CA12: variants seen among roughly 807,000 people sequenced by gnomAD.
The protein encoded by CA12 is carbonate dehydratase XII.
CA12 carries 36 observed loss-of-function variants against 46.8 expected under a neutral mutation model. That is an observed-to-expected ratio of 0.77 (90% CI 0.59 to 1.02). The LOEUF (loss-of-function observed/expected upper bound fraction) is 1.02. Ranked by LOEUF, CA12 falls within the 50% of genes least tolerant of loss-of-function variation. The pLI, the probability that CA12 is intolerant of heterozygous loss-of-function variation, is 0.00. For missense variants in CA12, 436 were observed against 451.4 expected (o/e 0.97, Z 0.31); for synonymous variants, 202 against 187.0 (o/e 1.08, Z -0.65).
chr15:63,368,153 T>C (rs2039458640), intron 2 of CA12, among the ~76,000 whole-genome samples: 4 of 152,262 alleles, frequency 2.6e-5, no homozygotes. Flanking sequence ...GCTATCCTAT[T>C]TCATTGCTTC....
intron 8 of CA12, among the ~76,000 whole-genome samples, chr15:63,333,407 G>A (rs566737175): frequency 1.0e-3 from 159 of 152,280 alleles, no homozygotes; most frequent in Admixed American, 3.7e-3. Flanking sequence ...CGCATAACTC[G>A]GACTGTGCTC....
At chr15:63,346,309 T>TCTTCTGGGAAGTGCA (rs1247404303) in intron 3 of CA12, among the ~76,000 whole-genome samples, 1 of 152,172 alleles carries the variant, frequency 6.6e-6, no homozygotes, top group Non-Finnish European at 1.5e-5. Context: ...GAGATGTGCT[T>TCTTCTGGGAAGTGCA]CTTCTGGGAA....
intron 1 of CA12, among the ~76,000 whole-genome samples, chr15:63,377,450 T>C (rs1362534710): frequency 6.6e-6 from 1 of 151,436 alleles, no homozygotes; most frequent in African/African-American, 2.5e-5. Flanking sequence ...GAAATTGTGT[T>C]TTTTAAAAGT....
At chr15:63,342,141 T>A in intron 4 of CA12, 44 bp from the exon 5 acceptor site, 1 of 1,289,784 alleles carries the variant, frequency 7.8e-7, no homozygotes, top group South Asian at 1.2e-5. Flanking sequence ...AAGCGACTCA[T>A]GGGAGCCTGT....
chr15:63,372,503 G>T lies in CA12; in HGVS notation c.106+3155C>A, dbSNP rs559259949. On this transcript the variant is annotated intron_variant, in intron 2 of 10. Transcript: ENST00000178638. This position sits in a 1 kb window ranked among gnomAD's most constrained non-coding sequence, Gnocchi z 4.5. ...TTTGTACTTCTAAAAGTCCTACCATGTGTGCCAGACAGTGGGAGGCCCCTG... is the reference window on the plus strand; with the variant it reads ...TTTGTACTTCTAAAAGTCCTACCATTTGTGCCAGACAGTGGGAGGCCCCTG... Among the ~76,000 whole-genome samples, 13 of 152,306 alleles carry T rather than the reference G, an allele frequency of 8.5e-5. No individual in the cohort carries two copies. Among genetic ancestry groups the T allele is most frequent in the African/African-American group, 2.6e-4 (11 of 41,578 alleles).
chr15:63,375,741 C>T, intron 1 of CA12, 63 bp from the exon 2 acceptor site: 4 of 1,289,550 alleles, frequency 3.1e-6, no homozygotes, highest in Non-Finnish European at 3.3e-6. Flanking sequence ...GAAAACACTA[C>T]AGATTTTGTT....
At position 63,365,629 on chromosome 15, in the gene CA12, AG is replaced by A. The variant is rs2039427095; in HGVS notation, c.106+10028del. ...CTTTCAGCCACAATCAGGCTGCTCC[AG>A]GCAATTGCAATGTTGGGTATCTACA... On this transcript the variant is annotated intron_variant, in intron 2 of 10. Transcript: ENST00000178638. 2.6e-5 allele frequency among the ~76,000 whole-genome samples: 4 copies of A among 152,372 alleles called. No individual in the cohort carries two copies. In the East Asian group the frequency reaches 7.7e-4, roughly 29 times the overall value.
chr15:63,351,946 G>T (rs2039237618), intron 2 of CA12, among the ~76,000 whole-genome samples: 1 of 152,192 alleles, frequency 6.6e-6, no homozygotes, highest in Admixed American at 6.5e-5. Flanking sequence ...GAATGGATGT[G>T]GAGGGTTTTT....
In CA12 at chr15:63,346,510, C is replaced by T. The variant is rs1375744603; in HGVS notation, c.286+20G>A. 6.3e-6 allele frequency: 10 copies of T among 1,596,476 alleles called. 1 individual carries two copies. The South Asian group carries it at 9.9e-5, about 16-fold the overall frequency. On this transcript the variant is annotated intron_variant, in intron 3 of 10. Transcript: ENST00000178638. ...GGAGACTCAGACATACCCCTCAGGT[C>T]TCCAAGGCCTCTCCCTCACCTGAAT...
Position 63,345,426 on chromosome 15 carries a change from C to T in CA12, c.429+51G>A. 1.9e-6 allele frequency: 3 copies of T among 1,598,254 alleles called. No individual in the cohort carries two copies. Among genetic ancestry groups the T allele is most frequent in the South Asian group, 2.2e-5 (2 of 90,736 alleles). ...GCACAGCAGCCAGGTCGAGAAGGTG[C>T]CACACCACCCACTGCAGAGCAGCCT... On this transcript the variant is annotated intron_variant, in intron 4 of 10. Transcript: ENST00000178638. The surrounding 1 kb of genome is among the most constrained non-coding windows in gnomAD (Gnocchi z 4.3).
intron 8 of CA12, among the ~76,000 whole-genome samples, chr15:63,333,394 T>A (rs1422565757): frequency 1.3e-5 from 2 of 152,196 alleles, no homozygotes; most frequent in African/African-American, 4.8e-5. Context: ...CTGTCCCCCA[T>A]AGCGCATAAC....
intron 2 of CA12, among the ~76,000 whole-genome samples, chr15:63,349,646 A>C (rs7165968): frequency 0.24 from 35,903 of 152,056 alleles, 5,628 homozygotes; most frequent in East Asian, 0.73. Context: ...GAGATTTAAG[A>C]GATTTGCCGG....
intron 2 of CA12, among the ~76,000 whole-genome samples, chr15:63,361,420 G>A (rs2039361962): frequency 6.6e-6 from 1 of 152,204 alleles, no homozygotes; most frequent in South Asian, 2.1e-4. Context: ...TTGCCCTTCA[G>A]GGGACATTGG....
In CA12 at chr15:63,378,135, C is replaced by T. The variant is rs995710138; in HGVS notation, c.86-2457G>A. On this transcript the variant is annotated intron_variant, in intron 1 of 10. Transcript: ENST00000178638. The surrounding 1 kb of genome is among the most constrained non-coding windows in gnomAD (Gnocchi z 4.8). ...GGGTACGGTGGCTCACCCCTGTAAT[C>T]CCAGCACTTTGGAAGACCAAGACAG... Among the ~76,000 whole-genome samples the T allele has an allele frequency of 6.6e-6, 1 of 152,128 alleles. No individual in the cohort carries two copies. The highest frequency in any genetic ancestry group is 2.4e-5 in the African/African-American group (1 of 41,430).
chr15:63,345,617 T>G lies in CA12; in HGVS notation c.289A>C (p.Lys97Gln), dbSNP rs1483767231. The change falls in exon 4 of 11, where the codon AAG becomes CAG. Residue 97 changes from lysine (K) to glutamine (Q), a missense_variant and splice_region_variant. Physicochemically the swap from Lys to Gln is moderately conservative, Grantham distance 53. Transcript: ENST00000178638. The surrounding 1 kb of genome is among the most constrained non-coding windows in gnomAD (Gnocchi z 4.3). ...FLLTNNGHSV[K>Q]LNLPSDMHIQ... ...TGCATGTCCGAGGGCAGGTTCAGCT[T>G]CACTGCGGGGAGTGGAGGAGCAGCC... 1 of 1,612,004 alleles carries G rather than the reference T, an allele frequency of 6.2e-7. No homozygotes were observed. The highest frequency in any genetic ancestry group is 1.1e-5 in the South Asian group (1 of 90,982).
rs775275122 is a variant in CA12 at position 63,331,438 on chromosome 15, G to A, written c.875-3308C>T. Among the ~76,000 whole-genome samples the A allele has an allele frequency of 1.3e-5, 2 of 152,206 alleles. No individual in the cohort carries two copies. The highest frequency in any genetic ancestry group is 2.4e-5 in the African/African-American group (1 of 41,454). Reference sequence around the variant, plus strand: ...TTTCTGAATAGGAAAGAAGGGAGGCGATTCCCACGGAAGAACAATGGGACA... The same window carrying A: ...TTTCTGAATAGGAAAGAAGGGAGGCAATTCCCACGGAAGAACAATGGGACA... On this transcript the variant is annotated intron_variant, in intron 8 of 10. Transcript: ENST00000178638. The surrounding 1 kb of genome is among the most constrained non-coding windows in gnomAD (Gnocchi z 5.3).
rs762493197 is a variant in CA12 at position 63,341,784 on chromosome 15, C to T, written c.525+218G>A. Among the ~76,000 whole-genome samples the T allele has an allele frequency of 6.6e-6, 1 of 152,186 alleles. No homozygotes were observed. Among genetic ancestry groups the T allele is most frequent in the Non-Finnish European group, 1.5e-5 (1 of 68,036 alleles). On this transcript the variant is annotated intron_variant, in intron 5 of 10. Transcript: ENST00000178638. The surrounding 1 kb of genome is among the most constrained non-coding windows in gnomAD (Gnocchi z 5.2). ...GTTGGGGCCCGTTTTTCCAACGGAC[C>T]AAAGAACATTCCCCATTTCTGCTGC...
At chr15:63,376,902 C>CA (rs1174899178) in intron 1 of CA12, among the ~76,000 whole-genome samples, 1 of 152,080 alleles carries the variant, frequency 6.6e-6, no homozygotes, top group African/African-American at 2.4e-5. Flanking sequence ...TCCAGCCTCC[C>CA]AAAGGGCTGG....
chr15:63,352,405 G>A (rs954565830), intron 2 of CA12, among the ~76,000 whole-genome samples: 1 of 152,192 alleles, frequency 6.6e-6, no homozygotes, highest in Non-Finnish European at 1.5e-5. Flanking sequence ...CTATGCAGAC[G>A]GCAAAAGAGA....
Sources: allele counts gnomAD v4.1 joint callset (sites outside exome capture counted in the v4.1 genomes callset), GRCh38; gene constraint gnomAD v4.1.1; non-coding constraint Gnocchi (gnomAD v3.1); transcripts MANE v1.5; gene names NCBI Gene and HGNC (gene_info 2026-07-23, HGNC 2026-07-21).